Variants in DACH2 observed in about 807,000 individuals in gnomAD.
The protein encoded by DACH2 is dachshund family transcription factor 2.
In DACH2, 17 loss-of-function variants were observed where a neutral mutation model predicts 35.8. The ratio of observed to expected loss-of-function variants is 0.48; its 90% CI spans 0.33 to 0.71. The LOEUF (loss-of-function observed/expected upper bound fraction) is 0.71. DACH2 is among the 30% of genes least tolerant of loss of function. The pLI is 0.02. For missense variants in DACH2, 469 were observed against 472.7 expected, an observed-to-expected ratio of 0.99 and a Z score of 0.07; for synonymous variants, 195 against 177.3, an observed-to-expected ratio of 1.10 and a Z score of -0.79.
intron 3 of DACH2, among the ~76,000 whole-genome samples, chrX:86,606,884 G>T (rs1407789094): frequency 9.0e-6 from 1 of 111,483 alleles, no homozygotes; most frequent in Non-Finnish European, 1.9e-5. Context: ...TCTGTTGTTG[G>T]ATGCATATAT....
chrX:86,680,155 C>G (rs996621716), intron 4 of DACH2, among the ~76,000 whole-genome samples: 2 of 111,951 alleles, frequency 1.8e-5, no homozygotes, highest in Non-Finnish European at 3.8e-5. Context: ...TCTTTCTCCT[C>G]TCTCTTCCAA....
chrX:86,261,409 G>A lies in DACH2; in HGVS notation c.488+112301G>A, dbSNP rs1398788071. Among the ~76,000 whole-genome samples the A allele has an allele frequency of 3.6e-5, 4 of 111,663 alleles. No individual in the cohort carries two copies. In the East Asian group the frequency reaches 1.1e-3, roughly 31 times the overall value. On this transcript the variant is annotated intron_variant, in intron 1 of 11. Coordinates refer to ENST00000373125, the MANE Select transcript of DACH2 (RefSeq NM_053281.3). ...AGTAAAGCAAACAGAAAATTTCAAA[G>A]CCAGTTCTTTGGTTCTTCTTCACCT...
At chrX:86,434,919 C>T (rs191912154) in intron 2 of DACH2, among the ~76,000 whole-genome samples, 105 of 110,555 alleles carry the variant, frequency 9.5e-4, no homozygotes, top group African/African-American at 3.1e-3. Flanking sequence ...AGCAGGAGAA[C>T]GTGAGAGAGA....
At chrX:86,264,375 C>T (rs57612452) in intron 1 of DACH2, among the ~76,000 whole-genome samples, 1,208 of 111,983 alleles carry the variant, frequency 0.011, 11 homozygotes, top group African/African-American at 0.036. Context: ...TTAATGAACA[C>T]ATATTTGCAT....
intron 2 of DACH2, among the ~76,000 whole-genome samples, chrX:86,437,273 A>G (rs1041134866): frequency 1.8e-5 from 2 of 111,488 alleles, no homozygotes; most frequent in Non-Finnish European, 3.8e-5. Context: ...ATCGGTATTT[A>G]TTATTTCTAT....
intron 1 of DACH2, among the ~76,000 whole-genome samples, chrX:86,361,011 G>C (rs1395219029): frequency 9.0e-6 from 1 of 110,955 alleles, no homozygotes; most frequent in Non-Finnish European, 1.9e-5. Context: ...TTATTGAACT[G>C]AAACACATAT....
chrX:86,739,315 A>G (rs2041629146), intron 6 of DACH2, among the ~76,000 whole-genome samples: 1 of 111,105 alleles, frequency 9.0e-6, no homozygotes, highest in African/African-American at 3.3e-5. Context: ...ACAATTTGTG[A>G]GTTTTATTCC....
At chrX:86,514,519 AT>A (rs1188964591) in intron 3 of DACH2, 128 bp downstream of exon 3, 32 of 619,492 alleles carry the variant, frequency 5.2e-5, no homozygotes, top group Admixed American at 3.0e-4. Flanking sequence ...ACATTACTGA[AT>A]TTTTTTATGT....
At chrX:86,693,243 T>G (rs2041029828) in intron 4 of DACH2, among the ~76,000 whole-genome samples, 1 of 112,463 alleles carries the variant, frequency 8.9e-6, no homozygotes, top group African/African-American at 3.2e-5. Context: ...TAAGCTTTCA[T>G]GCCATCTTAT....
intron 1 of DACH2, among the ~76,000 whole-genome samples, chrX:86,156,506 C>T (rs2030551417): frequency 9.0e-6 from 1 of 111,244 alleles, no homozygotes; most frequent in African/African-American, 3.3e-5. Context: ...TGTAATCATG[C>T]CATAAACCTT....
At chrX:86,723,656 T>C (rs1416614599) in intron 6 of DACH2, among the ~76,000 whole-genome samples, 1 of 112,041 alleles carries the variant, frequency 8.9e-6, no homozygotes, top group Admixed American at 9.5e-5. Flanking sequence ...TCTGAGAAGA[T>C]GCTGGATATG....
chrX:86,531,729 C>A (rs1158393809), intron 3 of DACH2, among the ~76,000 whole-genome samples: 1 of 112,636 alleles, frequency 8.9e-6, no homozygotes, highest in Non-Finnish European at 1.9e-5. Flanking sequence ...GGGACCCCCA[C>A]ACAGCATCCC....
intron 3 of DACH2, among the ~76,000 whole-genome samples, chrX:86,514,764 A>G (rs1196733997): frequency 9.0e-6 from 1 of 111,162 alleles, no homozygotes; most frequent in Non-Finnish European, 1.9e-5. Context: ...TTTAGTTTCC[A>G]GTGGTTCTGG....
chrX:86,530,991 T>C (rs1165887415), intron 3 of DACH2, among the ~76,000 whole-genome samples: 1 of 111,979 alleles, frequency 8.9e-6, no homozygotes, highest in Non-Finnish European at 1.9e-5. Flanking sequence ...TGTGCCCCTG[T>C]CCTAGAAAGT....
intron 1 of DACH2, among the ~76,000 whole-genome samples, chrX:86,296,806 C>T (rs146543059): frequency 1.5e-3 from 160 of 110,003 alleles, no homozygotes; most frequent in African/African-American, 5.2e-3. Flanking sequence ...TATGGTAGAC[C>T]ATTCTTGAGA....
chrX:86,188,636 A>C (rs1485160970), intron 1 of DACH2, among the ~76,000 whole-genome samples: 1 of 112,047 alleles, frequency 8.9e-6, no homozygotes, highest in East Asian at 2.8e-4. Flanking sequence ...GCCTTTTAAG[A>C]CCAAACTAGG....
At chrX:86,215,413 C>T (rs242839) in intron 1 of DACH2, among the ~76,000 whole-genome samples, 49,309 of 110,428 alleles carry the variant, frequency 0.45, 8,657 homozygotes, top group Non-Finnish European at 0.56. Flanking sequence ...AGTGTTTTAG[C>T]CATAGCTCGT....
At chrX:86,801,478 C>T (rs1278488118) in intron 7 of DACH2, among the ~76,000 whole-genome samples, 3 of 111,511 alleles carry the variant, frequency 2.7e-5, no homozygotes, top group Admixed American at 9.6e-5. Context: ...CGTGGGTGTG[C>T]GTGAACAAGA....
At chrX:86,336,560 C>A (rs1158026089) in intron 1 of DACH2, among the ~76,000 whole-genome samples, 3 of 111,344 alleles carry the variant, frequency 2.7e-5, no homozygotes, top group Non-Finnish European at 5.7e-5. Context: ...ACTCAGAGAC[C>A]CCATAGAAGG....
Sources: gnomAD v4.1 joint callset for allele counts (sites outside exome capture counted in the v4.1 genomes callset) on GRCh38, gnomAD v4.1.1 for gene constraint, MANE v1.5 for transcripts, NCBI Gene and HGNC (gene_info 2026-07-23, HGNC 2026-07-21) for gene names.